The following PRIM2 variants were observed in gnomAD, a reference collection of about 807,000 sequenced individuals.
PRIM2 encodes DNA primase subunit 2.
Under a neutral mutation model 67.3 loss-of-function variants are expected in PRIM2, and 39 were observed. That is an observed-to-expected ratio of 0.58 (90% confidence interval 0.45 to 0.76). The LOEUF (loss-of-function observed/expected upper bound fraction) is 0.76, where lower values mean the gene tolerates loss of function less well. PRIM2 is among the 30% of genes least tolerant of loss of function. The pLI is 0.00. For synonymous variants in PRIM2, 143 were observed against 198.7 expected (o/e 0.72, Z 2.36); for missense variants, 398 against 598.7 (o/e 0.66, Z 3.50).
intron 7 of PRIM2, among the ~76,000 whole-genome samples, chr6:57,470,633 G>A (rs1355750438): frequency 1.5e-4 from 23 of 151,608 alleles, no homozygotes; most frequent in African/African-American, 4.6e-4. Flanking sequence ...TTTAAATGAC[G>A]TTGAGATTTT....
intron 7 of PRIM2, among the ~76,000 whole-genome samples, chr6:57,394,678 G>T (rs1157466374): frequency 6.6e-6 from 1 of 152,262 alleles, no homozygotes; most frequent in East Asian, 1.9e-4. Context: ...GATTGCTCCG[G>T]CTAGGACTTC....
At chr6:57,383,861 C>T (rs1425227196) in intron 7 of PRIM2, among the ~76,000 whole-genome samples, 1 of 152,190 alleles carries the variant, frequency 6.6e-6, no homozygotes, top group Non-Finnish European at 1.5e-5. Context: ...CTTAGGTACT[C>T]ATATTTGAGT....
chr6:57,399,905 G>T (rs900295330), intron 7 of PRIM2, among the ~76,000 whole-genome samples: 1 of 152,014 alleles, frequency 6.6e-6, no homozygotes, highest in Non-Finnish European at 1.5e-5. Flanking sequence ...TTTTTTTCTT[G>T]TAAATTTGTT....
chr6:57,574,505 C>T (rs1310509945), intron 10 of PRIM2, among the ~76,000 whole-genome samples: 14,334 of 152,214 alleles, frequency 0.094, 835 homozygotes, highest in African/African-American at 0.16. Flanking sequence ...GAGAAAAATA[C>T]TGTAAATTTA....
chr6:57,324,476 C>A (rs765306751), intron 4 of PRIM2, among the ~76,000 whole-genome samples, 196 bp downstream of exon 4: 1 of 152,066 alleles, frequency 6.6e-6, no homozygotes, highest in Admixed American at 6.5e-5. Flanking sequence ...AAAATTCTAT[C>A]GCAGAATTTT....
chr6:57,517,950 T>C (rs1774520940), intron 8 of PRIM2, among the ~76,000 whole-genome samples: 1 of 152,208 alleles, frequency 6.6e-6, no homozygotes, highest in Admixed American at 6.5e-5. Flanking sequence ...TGGCATAGTC[T>C]TGTGAGTCTA....
At chr6:57,601,289 A>G (rs1363680677) in intron 11 of PRIM2, 70 bp downstream of exon 11, 1 of 1,454,090 alleles carries the variant, frequency 6.9e-7, no homozygotes, top group Non-Finnish European at 9.2e-7. Context: ...CACTGAAACA[A>G]TGTTGTGGCT....
chr6:57,422,158 C>CTTTTTTTTTTCTTTTTTTTTTTTTTTTT (rs1771486482), intron 7 of PRIM2, among the ~76,000 whole-genome samples: 1 of 103,318 alleles, frequency 9.7e-6, no homozygotes, highest in Admixed American at 1.1e-4. Flanking sequence ...TCTTTTCTTT[C>CTTTTTTTTTTCTTTTTTTTTTTTTTTTT]TTTTTTTTTT....
intron 7 of PRIM2, among the ~76,000 whole-genome samples, chr6:57,410,897 A>G (rs1261807678): frequency 3.3e-5 from 5 of 151,324 alleles, no homozygotes; most frequent in Non-Finnish European, 5.9e-5. Flanking sequence ...TATCAGGTTA[A>G]GGAAGCTTCT....
At chr6:57,592,060 A>G (rs1776290569) in intron 10 of PRIM2, among the ~76,000 whole-genome samples, 1 of 152,184 alleles carries the variant, frequency 6.6e-6, no homozygotes, top group African/African-American at 2.4e-5. Flanking sequence ...AAGTGAATTA[A>G]CACAGGAACA....
At chr6:57,493,342 T>C (rs1246404341) in intron 7 of PRIM2, among the ~76,000 whole-genome samples, 2 of 152,250 alleles carry the variant, frequency 1.3e-5, no homozygotes, top group Admixed American at 6.5e-5. Flanking sequence ...ATATTTAGTG[T>C]ACTTTTAGGT....
intron 5 of PRIM2, among the ~76,000 whole-genome samples, chr6:57,331,236 T>C (rs948985540): frequency 1.3e-5 from 2 of 152,152 alleles, no homozygotes; most frequent in Non-Finnish European, 2.9e-5. Context: ...TTTTGGATGT[T>C]ACACCAACCT....
chr6:57,551,214 C>T lies in PRIM2; in HGVS notation c.1020+13589C>T, dbSNP rs1775394055. On this transcript the variant is annotated intron_variant, in intron 10 of 13. Transcript: ENST00000615550. Reference sequence around the variant, plus strand: ...ATAAGTTTAAACTGTTGTGGGGACCCAGAGAATGGTTGTGCTTTAATAGTG... The same window carrying T: ...ATAAGTTTAAACTGTTGTGGGGACCTAGAGAATGGTTGTGCTTTAATAGTG... Among the ~76,000 whole-genome samples the T allele has an allele frequency of 3.9e-5, 6 of 152,134 alleles. No individual in the cohort carries two copies. The South Asian group carries it at 1.0e-3, about 26-fold the overall frequency.
chr6:57,256,033 A>G, the PRIM2 span, among the ~76,000 whole-genome samples: 18 of 152,138 alleles, frequency 1.2e-4, no homozygotes, highest in African/African-American at 4.3e-4. Context: ...ATACACACAC[A>G]CACACACACA....
intron 7 of PRIM2, among the ~76,000 whole-genome samples, chr6:57,499,243 CAG>C: frequency 6.6e-6 from 1 of 152,250 alleles, no homozygotes; most frequent in African/African-American, 2.4e-5. Context: ...ACATGCCCGA[CAG>C]ATATCTCTAA....
intron 5 of PRIM2, among the ~76,000 whole-genome samples, chr6:57,349,907 AT>A (rs1248047775): frequency 1.4e-4 from 22 of 152,342 alleles, no homozygotes; most frequent in African/African-American, 4.3e-4. Flanking sequence ...AACAAAAAAA[AT>A]CTTCTTAAAC....
intron 7 of PRIM2, among the ~76,000 whole-genome samples, chr6:57,489,239 A>G (rs1773821875): frequency 6.6e-6 from 1 of 152,244 alleles, no homozygotes; most frequent in Non-Finnish European, 1.5e-5. Context: ...CATTTTTAAG[A>G]GTATGTGTGG....
chr6:57,381,830 A>G (rs907876602), intron 6 of PRIM2: 6 of 216,142 alleles, frequency 2.8e-5, no homozygotes, highest in Non-Finnish European at 4.7e-5. Context: ...TCAAAACATC[A>G]ACTCTGAAAC....
intron 7 of PRIM2, among the ~76,000 whole-genome samples, chr6:57,432,196 G>T (rs535905905): frequency 1.3e-5 from 2 of 152,056 alleles, no homozygotes; most frequent in Non-Finnish European, 2.9e-5. Flanking sequence ...GAAGTTGGAA[G>T]TAAAGTGAGA....
Sources: gnomAD v4.1 joint callset for allele counts (sites outside exome capture counted in the v4.1 genomes callset) on GRCh38, gnomAD v4.1.1 for gene constraint, MANE v1.5 for transcripts, NCBI Gene and HGNC (gene_info 2026-07-23, HGNC 2026-07-21) for gene names.